ANKS1B: variants seen among roughly 807,000 people sequenced by gnomAD.
ANKS1B encodes the protein ankyrin repeat and sterile alpha motif domain containing 1B, also known as ankyrin repeat and sterile alpha motif domain-containing protein 1B.
Under a neutral mutation model 148.3 loss-of-function variants are expected in ANKS1B, and 36 were observed. The ratio of observed to expected loss-of-function variants is 0.24; its 90% CI spans 0.19 to 0.32. The LOEUF (loss-of-function observed/expected upper bound fraction) is 0.32. Among genes scored for constraint, ANKS1B ranks in the 10% least tolerant of loss-of-function variants. ANKS1B has a pLI of 1.00. For synonymous variants in ANKS1B, 542 were observed against 560.8 expected (o/e 0.97, Z 0.47); for missense variants, 1,157 against 1,542.6 (o/e 0.75, Z 4.19).
At chr12:99,507,434 C>T (rs57579661) in intron 9 of ANKS1B, among the ~76,000 whole-genome samples, 36,299 of 151,614 alleles carry the variant, frequency 0.24, 4,777 homozygotes, top group African/African-American at 0.35. Flanking sequence ...AATTTGAAAA[C>T]ATAAAGAAAG....
chr12:98,823,426 C>T (rs543953989), intron 19 of ANKS1B, among the ~76,000 whole-genome samples: 2 of 152,256 alleles, frequency 1.3e-5, no homozygotes, highest in South Asian at 2.1e-4. Context: ...CATTAACTTA[C>T]GGACATTAAA....
chr12:99,638,226 A>G (rs2098262832), intron 9 of ANKS1B, among the ~76,000 whole-genome samples: 1 of 152,164 alleles, frequency 6.6e-6, no homozygotes, highest in South Asian at 2.1e-4. Flanking sequence ...AGGTTGGAAC[A>G]GTTTCGAGGG....
In ANKS1B at chr12:99,379,106, C is replaced by A. The variant is rs191827959; in HGVS notation, c.1756+20525G>T. 1.9e-4 allele frequency among the ~76,000 whole-genome samples: 29 copies of A among 152,172 alleles called. No homozygotes were observed. The East Asian group carries it at 3.1e-3, about 16-fold the overall frequency. ...TTAAGGAGACTCAACTGCAAAAGGA[C>A]CTAACTTAATTAGAGAAATAAAAGG... On this transcript the variant is annotated intron_variant, in intron 12 of 26. Transcript: ENST00000683438.
chr12:99,182,956 CTTCTT>C (rs1327685451), intron 14 of ANKS1B, among the ~76,000 whole-genome samples: 2 of 152,096 alleles, frequency 1.3e-5, no homozygotes, highest in East Asian at 3.9e-4. Context: ...ATATATATGT[CTTCTT>C]TTGAGAAATG....
intron 19 of ANKS1B, among the ~76,000 whole-genome samples, chr12:98,812,387 G>A (rs2099103849): frequency 6.6e-6 from 1 of 152,172 alleles, no homozygotes. Context: ...CTGTGTGGCA[G>A]GTGACACCAT....
intron 12 of ANKS1B, among the ~76,000 whole-genome samples, chr12:99,285,757 G>A (rs1488518844): frequency 6.6e-6 from 1 of 152,118 alleles, no homozygotes; most frequent in Non-Finnish European, 1.5e-5. Context: ...GCTTGGGGGA[G>A]GAAGAGAGCA....
chr12:99,712,409 T>C (rs746361994), intron 8 of ANKS1B, among the ~76,000 whole-genome samples: 7 of 152,264 alleles, frequency 4.6e-5, no homozygotes, highest in African/African-American at 7.2e-5. Context: ...AGTGAGAGAT[T>C]ATTATGGATT....
chr12:99,502,495 T>C (rs372151730), intron 10 of ANKS1B, among the ~76,000 whole-genome samples: 20 of 148,060 alleles, frequency 1.4e-4, no homozygotes, highest in African/African-American at 5.3e-4. Flanking sequence ...TTCTTGAGGG[T>C]TTCAGTATTT....
chr12:99,259,535 A>G (rs2075692507), intron 12 of ANKS1B, among the ~76,000 whole-genome samples: 1 of 152,174 alleles, frequency 6.6e-6, no homozygotes, highest in South Asian at 2.1e-4. Context: ...AACATTTATA[A>G]TCTTTTCTCT....
At chr12:99,327,411 A>G (rs2086677506) in intron 12 of ANKS1B, among the ~76,000 whole-genome samples, 1 of 133,036 alleles carries the variant, frequency 7.5e-6, no homozygotes, top group African/African-American at 2.8e-5. Context: ...ATTATATATA[A>G]TTATATATTA....
At position 99,405,715 on chromosome 12, in the gene ANKS1B, C is replaced by G. The variant is rs1201064530; in HGVS notation, c.1576-5904G>C. 2.1e-5 allele frequency among the ~76,000 whole-genome samples: 3 copies of G among 143,086 alleles called. 1 individual carries two copies. Among genetic ancestry groups the G allele is most frequent in the Admixed American group, 7.0e-5 (1 of 14,378 alleles). The allele number at this position is 143,086 out of a possible 152,430, so 93.9% of individuals were successfully genotyped here. On this transcript the variant is annotated intron_variant, in intron 11 of 26. Transcript: ENST00000683438. ...ATATCAATAATATTGAATAATTAGA[C>G]TAGAATCTCCAGTCAAAAGACAGAG...
At chr12:99,769,124 G>A (rs766140111) in intron 8 of ANKS1B, among the ~76,000 whole-genome samples, 41 of 151,950 alleles carry the variant, frequency 2.7e-4, no homozygotes, top group Non-Finnish European at 5.1e-4. Flanking sequence ...GAAGTAGGCT[G>A]GACATTAAGA....
intron 9 of ANKS1B, among the ~76,000 whole-genome samples, chr12:99,553,888 G>A (rs1031622797): frequency 6.6e-6 from 1 of 152,184 alleles, no homozygotes; most frequent in African/African-American, 2.4e-5. Flanking sequence ...GTTAGCTTCA[G>A]TGACTGGTTC....
rs377650509 is a variant in ANKS1B at position 99,645,902 on chromosome 12, C to T, written c.1272+9165G>A. Among the ~76,000 whole-genome samples, 3 of 152,086 alleles carry T rather than the reference C, an allele frequency of 2.0e-5. No individual in the cohort carries two copies. The East Asian group carries it at 5.8e-4, about 29-fold the overall frequency. ...TACTGACTGGTGTGGAAAATCCAAACATCTATAGGCTCTATAAGTAATGTA... is the reference window on the plus strand; with the variant it reads ...TACTGACTGGTGTGGAAAATCCAAATATCTATAGGCTCTATAAGTAATGTA... On this transcript the variant is annotated intron_variant, in intron 9 of 26. Transcript: ENST00000683438.
chr12:99,440,249 A>G lies in ANKS1B; in HGVS notation c.1575+3424T>C, dbSNP rs554815017. ...ATACCTATGTAAATAATTAAAGTTCATCAAGCTATATACTTAAGATCTGTG... is the reference window on the plus strand; with the variant it reads ...ATACCTATGTAAATAATTAAAGTTCGTCAAGCTATATACTTAAGATCTGTG... On this transcript the variant is annotated intron_variant, in intron 11 of 26. Transcript: ENST00000683438. Among the ~76,000 whole-genome samples, 9 of 151,976 alleles carry G rather than the reference A, an allele frequency of 5.9e-5. No homozygotes were observed. The East Asian group carries it at 1.7e-3, about 29-fold the overall frequency.
At chr12:99,945,998 A>G (rs935106457) in intron 1 of ANKS1B, among the ~76,000 whole-genome samples, 1 of 152,192 alleles carries the variant, frequency 6.6e-6, no homozygotes, top group Admixed American at 6.5e-5. Context: ...TGTAGAATGC[A>G]GAGCCAATAT....
chr12:98,740,018 G>A (rs1019034920), downstream of ANKS1B, among the ~76,000 whole-genome samples: 8 of 151,990 alleles, frequency 5.3e-5, no homozygotes, highest in Admixed American at 2.0e-4. Context: ...GAACTATCCC[G>A]AACTTGATTC....
chr12:99,335,420 C>T (rs1201134142), intron 12 of ANKS1B, among the ~76,000 whole-genome samples: 1 of 151,394 alleles, frequency 6.6e-6, no homozygotes, highest in Non-Finnish European at 1.5e-5. Flanking sequence ...CTATAGTCAC[C>T]CTGTTTTGCT....
chr12:99,280,212 G>C lies in ANKS1B; in HGVS notation c.1757-33348C>G, dbSNP rs147908227. Among the ~76,000 whole-genome samples the C allele has an allele frequency of 9.3e-4, 141 of 151,888 alleles. 2 individuals carry two copies. The East Asian group carries it at 0.022, about 23-fold the overall frequency. The stretch of plus-strand genomic sequence containing the variant: ...CGTGCATGTGTGTGTGTGAGAGAGA[G>C]AGAGAAAGAGAAAGAGAGATTGTTA... On this transcript the variant is annotated intron_variant, in intron 12 of 26. Coordinates refer to ENST00000683438, the MANE Select transcript of ANKS1B (RefSeq NM_001352186.2).
Sources: allele counts gnomAD v4.1 joint callset (sites outside exome capture counted in the v4.1 genomes callset), GRCh38; gene constraint gnomAD v4.1.1; transcripts MANE v1.5; gene names NCBI Gene and HGNC (gene_info 2026-07-23, HGNC 2026-07-21).